SUZ12: variants seen among roughly 807,000 people sequenced by gnomAD.
SUZ12 encodes the protein SUZ12 polycomb repressive complex 2 subunit, also known as polycomb protein SUZ12.
In SUZ12, 17 loss-of-function variants were observed where a neutral mutation model predicts 87.3. The ratio of observed to expected loss-of-function variants is 0.19; its 90% CI spans 0.13 to 0.29. SUZ12 has a LOEUF of 0.29. SUZ12 is among the 10% of genes least tolerant of loss of function. The pLI is 1.00. For synonymous variants in SUZ12, 253 were observed against 312.4 expected, an observed-to-expected ratio of 0.81 and a Z score of 2.01; for missense variants, 526 against 912.2, an observed-to-expected ratio of 0.58 and a Z score of 5.45.
chr17:31,971,808 G>A (rs1186855343), intron 5 of SUZ12, among the ~76,000 whole-genome samples: 1 of 152,084 alleles, frequency 6.6e-6, no homozygotes, highest in African/African-American at 2.4e-5. Flanking sequence ...GACTAGCAGT[G>A]TATTATCATA....
At chr17:31,987,875 T>G (rs1318570015) in intron 9 of SUZ12, among the ~76,000 whole-genome samples, 1 of 151,372 alleles carries the variant, frequency 6.6e-6, no homozygotes, top group East Asian at 1.9e-4. Context: ...GAGGGGGAGG[T>G]TGCAGTGAGC....
chr17:31,983,824 G>C (rs1447876569), intron 9 of SUZ12, among the ~76,000 whole-genome samples: 2 of 152,164 alleles, frequency 1.3e-5, no homozygotes, highest in African/African-American at 4.8e-5. Context: ...AATAAGGGAT[G>C]ACTAGTAATA....
chr17:31,963,063 A>G (rs1282716362), intron 4 of SUZ12, among the ~76,000 whole-genome samples: 1 of 149,368 alleles, frequency 6.7e-6, no homozygotes, highest in Non-Finnish European at 1.5e-5. Context: ...TAGCACGTAG[A>G]AATCTGATTC....
chr17:31,962,999 G>A (rs1432900963), intron 4 of SUZ12, among the ~76,000 whole-genome samples: 1 of 152,238 alleles, frequency 6.6e-6, no homozygotes. Context: ...ATTCTGCTAT[G>A]TAAGGTAGTA....
Position 31,937,305 on chromosome 17 carries a change from C to A in SUZ12, c.59C>A (p.Ser20Tyr). 2.1e-6 allele frequency: 3 copies of A among 1,429,648 alleles called. No individual in the cohort carries two copies. Among genetic ancestry groups the A allele is most frequent in the Non-Finnish European group, 2.7e-6 (3 of 1,102,276 alleles). 88.6% of individuals were successfully genotyped at this position (1,429,648 alleles called of 1,614,324 possible). The change falls in exon 1 of 16, where the codon TCC becomes TAC. Residue 20 changes from serine to tyrosine, a missense_variant. Around this residue, in one of 9 missense-constraint regions of SUZ12, gnomAD observed 92 missense variants for 109.9 expected, o/e 0.84. Transcript: ENST00000322652. ...GGGGSGPSAG[S>Y]GGGGFGGSAA... is the part of the protein sequence containing the mutation. The stretch of plus-strand genomic sequence containing the variant: ...GGCGGCTCGGGGCCCAGCGCGGGGT[C>A]CGGGGGAGGCGGCTTCGGGGGTTCG...
intron 10 of SUZ12, 132 bp from the exon 11 acceptor site, chr17:31,993,110 A>G (rs946154279): frequency 1.2e-5 from 7 of 580,176 alleles, no homozygotes; most frequent in Non-Finnish European, 2.1e-5. Flanking sequence ...GTTGAGGGAG[A>G]TAACAGAAAT....
chr17:31,941,915 C>T (rs1434332553), intron 3 of SUZ12, among the ~76,000 whole-genome samples: 2 of 151,734 alleles, frequency 1.3e-5, no homozygotes, highest in Non-Finnish European at 2.9e-5. Flanking sequence ...TGCAGTGGTG[C>T]GATATCGGCT....
At chr17:31,986,297 G>C (rs1909417733) in intron 9 of SUZ12, among the ~76,000 whole-genome samples, 1 of 152,148 alleles carries the variant, frequency 6.6e-6, no homozygotes, top group African/African-American at 2.4e-5. Flanking sequence ...AGAGCATATA[G>C]ATTTACTTCT....
chr17:31,996,278 T>TAA (rs1294744824), intron 14 of SUZ12, among the ~76,000 whole-genome samples: 2 of 152,176 alleles, frequency 1.3e-5, no homozygotes, highest in Non-Finnish European at 2.9e-5. Context: ...GTATTGTGTG[T>TAA]TTTCATTTCT....
At position 31,966,146 on chromosome 17, in the gene SUZ12, G is replaced by C; in HGVS notation, c.456-1G>C. 6.7e-7 allele frequency: 1 copy of C among 1,501,026 alleles called. No homozygotes were observed. Among genetic ancestry groups the C allele is most frequent in the South Asian group, 1.4e-5 (1 of 73,968 alleles). 93.0% of individuals were successfully genotyped at this position (1,501,026 alleles called of 1,614,324 possible). On this transcript the variant is annotated splice_acceptor_variant, in intron 4 of 15. Transcript: ENST00000322652. LOFTEE classifies it high-confidence loss of function. ...AAATATTTCCTTTTTTTTTTTTTTA[G>C]CTTGTCAGCTCATTTGCAGCTTACG... is the stretch of plus-strand genomic sequence containing the variant.
At chr17:31,972,313 G>GTA (rs1334211463) in intron 5 of SUZ12, among the ~76,000 whole-genome samples, 1 of 150,136 alleles carries the variant, frequency 6.7e-6, no homozygotes, top group Non-Finnish European at 1.5e-5. Context: ...ATATATATGT[G>GTA]TATATATATG....
intron 8 of SUZ12, among the ~76,000 whole-genome samples, chr17:31,978,627 G>A (rs1334336385): frequency 2.0e-5 from 3 of 152,186 alleles, no homozygotes; most frequent in South Asian, 2.1e-4. Flanking sequence ...AGAATGAGGC[G>A]CATTGGACTT....
At chr17:31,984,273 A>G (rs996451661) in intron 9 of SUZ12, among the ~76,000 whole-genome samples, 2 of 152,198 alleles carry the variant, frequency 1.3e-5, no homozygotes, top group Admixed American at 6.5e-5. Flanking sequence ...AGTTCATGAT[A>G]AAGGTGGTGG....
At chr17:31,948,667 T>C (rs1225379970) in intron 4 of SUZ12, among the ~76,000 whole-genome samples, 1 of 152,212 alleles carries the variant, frequency 6.6e-6, no homozygotes, top group Non-Finnish European at 1.5e-5. Flanking sequence ...GTGATTTTTT[T>C]ACTTGGATTA....
At chr17:31,991,401 G>A (rs1909713964) in intron 10 of SUZ12, among the ~76,000 whole-genome samples, 1 of 151,584 alleles carries the variant, frequency 6.6e-6, no homozygotes, top group South Asian at 2.1e-4. Context: ...TCAGGGGAAA[G>A]GTTTTGCAAG....
chr17:31,992,643 C>G (rs1909777782), intron 10 of SUZ12, among the ~76,000 whole-genome samples: 1 of 151,798 alleles, frequency 6.6e-6, no homozygotes, highest in African/African-American at 2.4e-5. Flanking sequence ...ATCTCCTGAC[C>G]TCGTGATCCA....
chr17:31,982,018 G>A (rs1909140996), intron 8 of SUZ12, among the ~76,000 whole-genome samples: 1 of 152,196 alleles, frequency 6.6e-6, no homozygotes, highest in African/African-American at 2.4e-5. Flanking sequence ...TACTGAGCAT[G>A]GTTGAAGAAT....
At chr17:31,986,544 TTTTTG>T (rs370809527) in intron 9 of SUZ12, among the ~76,000 whole-genome samples, 79 of 149,710 alleles carry the variant, frequency 5.3e-4, no homozygotes, top group African/African-American at 1.2e-3. Flanking sequence ...TCTAAGTAGT[TTTTTG>T]TTTTGTTTTG....
At chr17:31,962,093 G>C (rs1394923720) in intron 4 of SUZ12, among the ~76,000 whole-genome samples, 1 of 152,182 alleles carries the variant, frequency 6.6e-6, no homozygotes, top group Non-Finnish European at 1.5e-5. Flanking sequence ...ATTGGGTTTA[G>C]GGTCTTTGTA....
Sources: gnomAD v4.1 joint callset for allele counts (sites outside exome capture counted in the v4.1 genomes callset) on GRCh38, gnomAD v4.1.1 for gene constraint, gnomAD v4.1.1 regional missense constraint, MANE v1.5 for transcripts, NCBI Gene and HGNC (gene_info 2026-07-23, HGNC 2026-07-21) for gene names.